The following ZSCAN25 variants were observed in gnomAD, a reference collection of about 807,000 sequenced individuals.
The protein encoded by ZSCAN25 is zinc finger and SCAN domain containing 25.
ZSCAN25 carries 27 observed loss-of-function variants against 38.7 expected under a neutral mutation model. That is an observed-to-expected ratio of 0.70 (90% CI 0.51 to 0.96). ZSCAN25 has a LOEUF of 0.96. Among genes scored for constraint, ZSCAN25 ranks in the 40% least tolerant of loss-of-function variants. The pLI is 0.00. For synonymous variants in ZSCAN25, 273 were observed against 277.7 expected (o/e 0.98, Z 0.17); for missense variants, 637 against 705.9 (o/e 0.90, Z 1.11).
the ZSCAN25 span, chr7:99,677,135 C>A: frequency 2.0e-5 from 20 of 978,182 alleles, no homozygotes; most frequent in Non-Finnish European, 2.4e-5. Context: ...CTATGGCAGG[C>A]CTGCCTGGAA....
At chr7:99,733,829 AGTTTAGGAT>A in the ZSCAN25 span, among the ~76,000 whole-genome samples, 1 of 152,200 alleles carries the variant, frequency 6.6e-6, no homozygotes, top group Non-Finnish European at 1.5e-5. Flanking sequence ...TAGCCCTGAG[AGTTTAGGAT>A]AACCTGCTAA....
chr7:99,736,140 T>C, the ZSCAN25 span, among the ~76,000 whole-genome samples: 3 of 152,156 alleles, frequency 2.0e-5, no homozygotes, highest in South Asian at 2.1e-4. Flanking sequence ...CTGCCGTAGA[T>C]AGAAAGTTAG....
chr7:99,708,516 T>G, the ZSCAN25 span, among the ~76,000 whole-genome samples: 1 of 152,060 alleles, frequency 6.6e-6, no homozygotes, highest in Non-Finnish European at 1.5e-5. Context: ...TCTCTCCTTC[T>G]TTCTCCCCCA....
chr7:99,627,821 C>T (rs141618777), intron 7 of ZSCAN25, among the ~76,000 whole-genome samples: 156 of 151,168 alleles, frequency 1.0e-3, no homozygotes, highest in African/African-American at 3.7e-3. Flanking sequence ...CATGTATATG[C>T]TGTATATGTA....
intron 4 of ZSCAN25, chr7:99,620,726 C>T (rs1806883929): frequency 6.6e-6 from 1 of 152,232 alleles, no homozygotes; most frequent in African/African-American, 2.4e-5. Context: ...GAGTACTTCT[C>T]AGTGAGAGAG....
chr7:99,629,213 G>A lies in ZSCAN25; in HGVS notation c.828G>A (p.Glu276=), dbSNP rs539892161. 11 of 1,611,646 alleles carry A rather than the reference G, an allele frequency of 6.8e-6. No homozygotes were observed. The African/African-American group carries it at 1.3e-4, about 20-fold the overall frequency. Residue 276 remains glutamate, a synonymous_variant, in exon 8 of 8, where the codon GAG becomes GAA. Transcript: ENST00000394152. The surrounding 1 kb of genome is among the most constrained non-coding windows in gnomAD (Gnocchi z 5.6). Reference sequence around the variant, plus strand: ...TAGGCGGTGGGAGCAAGGAAAAGGAGGCAAAACCCCCACAGGAAGACCTGA... The same window carrying A: ...TAGGCGGTGGGAGCAAGGAAAAGGAAGCAAAACCCCCACAGGAAGACCTGA... ...VSPGGGSKEK[E]AKPPQEDLKG... is the part of the protein sequence containing the mutation.
the ZSCAN25 span, among the ~76,000 whole-genome samples, chr7:99,677,403 A>G: frequency 6.6e-6 from 1 of 152,218 alleles, no homozygotes; most frequent in African/African-American, 2.4e-5. Flanking sequence ...CTTTCAGCTA[A>G]AAGACACAGA....
chr7:99,690,232 T>C, the ZSCAN25 span, among the ~76,000 whole-genome samples: 4 of 152,208 alleles, frequency 2.6e-5, no homozygotes, highest in African/African-American at 4.8e-5. Flanking sequence ...CTGGGAAAAC[T>C]GGCTAGCCAT....
the ZSCAN25 span, chr7:99,660,586 A>T: frequency 1.1e-5 from 18 of 1,613,900 alleles, no homozygotes; most frequent in Non-Finnish European, 1.3e-5. Context: ...TGAAGGAAAG[A>T]ACACTGCTGG....
the ZSCAN25 span, chr7:99,734,899 G>T: frequency 6.9e-7 from 1 of 1,447,444 alleles, no homozygotes; most frequent in Admixed American, 1.7e-5. Flanking sequence ...GGGATGACAG[G>T]TGTGAGCCAC....
chr7:99,651,908 G>A, the ZSCAN25 span, among the ~76,000 whole-genome samples: 1 of 152,184 alleles, frequency 6.6e-6, no homozygotes, highest in Non-Finnish European at 1.5e-5. Flanking sequence ...GACCTGTGCT[G>A]TCTTGTGTCT....
the ZSCAN25 span, among the ~76,000 whole-genome samples, chr7:99,675,789 G>C: frequency 1.4e-5 from 2 of 146,338 alleles, no homozygotes; most frequent in Non-Finnish European, 3.0e-5. Flanking sequence ...GACTTCCTGG[G>C]TTCATACAAT....
At chr7:99,655,794 C>T in the ZSCAN25 span, among the ~76,000 whole-genome samples, 1 of 152,212 alleles carries the variant, frequency 6.6e-6, no homozygotes, top group Non-Finnish European at 1.5e-5. Flanking sequence ...AGGTCCTTCA[C>T]ATCCCTTGTA....
At chr7:99,650,125 G>A in the ZSCAN25 span, 4 of 1,614,030 alleles carry the variant, frequency 2.5e-6, no homozygotes, top group South Asian at 3.3e-5. Flanking sequence ...TCTGATTAGA[G>A]CAAGTTTCAT....
chr7:99,726,731 C>A, the ZSCAN25 span, among the ~76,000 whole-genome samples: 1 of 152,194 alleles, frequency 6.6e-6, no homozygotes, highest in Non-Finnish European at 1.5e-5. Flanking sequence ...ATATTGATGA[C>A]CTTCTACTCT....
the ZSCAN25 span, among the ~76,000 whole-genome samples, chr7:99,656,099 A>G: frequency 6.6e-6 from 1 of 152,206 alleles, no homozygotes; most frequent in Admixed American, 6.5e-5. Flanking sequence ...TGCCCTGGCC[A>G]GAACTTCCAA....
chr7:99,698,661 C>A, the ZSCAN25 span, among the ~76,000 whole-genome samples: 1 of 152,072 alleles, frequency 6.6e-6, no homozygotes, highest in Non-Finnish European at 1.5e-5. Context: ...GATATACATT[C>A]ATGCTTTAGA....
the ZSCAN25 span, among the ~76,000 whole-genome samples, chr7:99,697,725 A>G: frequency 6.6e-6 from 1 of 152,156 alleles, no homozygotes; most frequent in African/African-American, 2.4e-5. Context: ...GAGAAATGGC[A>G]TGGAGGGTCG....
the ZSCAN25 span, chr7:99,662,938 A>C: frequency 6.2e-7 from 1 of 1,608,042 alleles, no homozygotes; most frequent in Admixed American, 1.7e-5. This position sits in a 1 kb window ranked among gnomAD's most constrained non-coding sequence, Gnocchi z 4.3. Context: ...AGTCAGAAGT[A>C]AATCAAAAGT....
Sources: allele counts gnomAD v4.1 joint callset (sites outside exome capture counted in the v4.1 genomes callset), GRCh38; gene constraint gnomAD v4.1.1; non-coding constraint Gnocchi (gnomAD v3.1); transcripts MANE v1.5; gene names NCBI Gene and HGNC (gene_info 2026-07-23, HGNC 2026-07-21).